The following SHC4 variants were observed in gnomAD, a reference collection of about 807,000 sequenced individuals.
SHC4 encodes SHC adaptor protein 4.
A neutral mutation model predicts 69.4 loss-of-function variants in SHC4; 41 were observed. The ratio of observed to expected loss-of-function variants is 0.59; its 90% CI spans 0.46 to 0.77. The LOEUF (loss-of-function observed/expected upper bound fraction) is 0.77, where lower values mean the gene tolerates loss of function less well. Among genes scored for constraint, SHC4 ranks in the 30% least tolerant of loss-of-function variants. The pLI, the probability that SHC4 is intolerant of heterozygous loss-of-function variation, is 0.00. For missense variants in SHC4, 777 were observed against 783.8 expected, an observed-to-expected ratio of 0.99 and a Z score of 0.10; for synonymous variants, 318 against 299.3, an observed-to-expected ratio of 1.06 and a Z score of -0.64.
intron 2 of SHC4, among the ~76,000 whole-genome samples, chr15:48,898,042 A>T (rs1346223595): frequency 6.6e-6 from 1 of 152,224 alleles, no homozygotes; most frequent in African/African-American, 2.4e-5. Flanking sequence ...CTTATTATGA[A>T]TGAAGAGACT....
intron 2 of SHC4, among the ~76,000 whole-genome samples, chr15:48,909,257 C>G (rs1900464568): frequency 6.8e-6 from 1 of 146,230 alleles, no homozygotes; most frequent in African/African-American, 2.5e-5. Context: ...TTGTAGAGGT[C>G]TTTTGACTCT....
intron 2 of SHC4, among the ~76,000 whole-genome samples, chr15:48,899,654 T>A (rs1567064801): frequency 1.3e-5 from 2 of 152,098 alleles, no homozygotes; most frequent in Non-Finnish European, 2.9e-5. Flanking sequence ...TTTTGGGAAT[T>A]CCATTTTTTT....
In SHC4 at chr15:48,962,742, T is replaced by C. The variant is rs780646559; in HGVS notation, c.274A>G (p.Ser92Gly). Residue 92 changes from serine to glycine, a missense_variant, in exon 1 of 12, where the codon AGC (serine) becomes GGC (glycine). Ser to Gly is a moderately conservative substitution (Grantham distance 56). Coordinates refer to ENST00000332408, the MANE Select transcript of SHC4 (RefSeq NM_203349.4). ...GTGGCCGGGTTGGCCAGCTTCATGC[T>C]TGCCATGCGGGGGATCAAGGTGCAC... is the stretch of plus-strand genomic sequence containing the variant. ...PLCTLIPRMA[S>G]MKLANPATLL... 2.0e-5 allele frequency: 32 copies of C among 1,613,516 alleles called. No homozygotes were observed. The highest frequency in any genetic ancestry group is 2.5e-5 in the Non-Finnish European group (29 of 1,180,024).
At chr15:48,907,696 AAT>A (rs1380592828) in intron 2 of SHC4, among the ~76,000 whole-genome samples, 2 of 152,044 alleles carry the variant, frequency 1.3e-5, no homozygotes, top group Non-Finnish European at 2.9e-5. Context: ...CACTTAGAAT[AAT>A]AGTCTCCAGT....
chr15:48,932,738 A>G (rs1023092593), intron 1 of SHC4, among the ~76,000 whole-genome samples: 1 of 152,060 alleles, frequency 6.6e-6, no homozygotes, highest in Non-Finnish European at 1.5e-5. Context: ...GCCCTCTTCT[A>G]TACTCTGTAT....
At chr15:48,924,997 A>G in intron 1 of SHC4, 48 bp from the exon 2 acceptor site, 1 of 1,602,978 alleles carries the variant, frequency 6.2e-7, no homozygotes, top group African/African-American at 1.3e-5. Flanking sequence ...AATTCCAAGA[A>G]GCTGTCTCTT....
chr15:48,856,135 A>G lies in SHC4; in HGVS notation c.1071-11T>C. Reference sequence around the variant, plus strand: ...ATATGCACCTCCTCACTGTGAAGGAAAAAAGAATCCTCAAGAGGCTGGGCG... The same window carrying G: ...ATATGCACCTCCTCACTGTGAAGGAGAAAAGAATCCTCAAGAGGCTGGGCG... On this transcript the variant is annotated splice_polypyrimidine_tract_variant and intron_variant, in intron 7 of 11. Coordinates refer to ENST00000332408, the MANE Select transcript of SHC4 (RefSeq NM_203349.4). The G allele has an allele frequency of 6.2e-7, 1 of 1,606,854 alleles. No individual in the cohort carries two copies. The highest frequency in any genetic ancestry group is 8.5e-7 in the Non-Finnish European group (1 of 1,176,346).
chr15:48,963,438 C>T lies in SHC4; in HGVS notation c.-423G>A. 5.4e-6 allele frequency: 1 copy of T among 184,678 alleles called. No homozygotes were observed. Among genetic ancestry groups the T allele is most frequent in the South Asian group, 1.5e-4 (1 of 6,792 alleles). The allele number at this position is 184,678 out of a possible 1,614,324, so 11.4% of individuals were successfully genotyped here. On this transcript the variant is annotated 5_prime_UTR_variant, in exon 1 of 12. Coordinates refer to ENST00000332408, the MANE Select transcript of SHC4 (RefSeq NM_203349.4). ...CGACTCCCACCCTCACCCCAGCCTT[C>T]TGTTCTGCACACAGGAACTTTCGAA...
At chr15:48,853,165 G>C (rs1899248334) in intron 8 of SHC4, among the ~76,000 whole-genome samples, 1 of 151,854 alleles carries the variant, frequency 6.6e-6, no homozygotes, top group Non-Finnish European at 1.5e-5. Flanking sequence ...CAAAAATCTA[G>C]CATTTCTATA....
intron 6 of SHC4, among the ~76,000 whole-genome samples, 163 bp from the exon 7 acceptor site, chr15:48,857,978 T>C (rs1373792152): frequency 6.6e-6 from 1 of 152,182 alleles, no homozygotes; most frequent in Non-Finnish European, 1.5e-5. Flanking sequence ...ACTTCACATT[T>C]CACATGAATC....
At chr15:48,846,221 C>T (rs981698401) in intron 9 of SHC4, among the ~76,000 whole-genome samples, 25 of 152,174 alleles carry the variant, frequency 1.6e-4, no homozygotes, top group Admixed American at 3.9e-4. Context: ...GTATCTCTTA[C>T]TATCTGAGCG....
intron 11 of SHC4, among the ~76,000 whole-genome samples, chr15:48,831,303 A>G (rs1352805281): frequency 1.3e-5 from 2 of 152,228 alleles, no homozygotes; most frequent in East Asian, 1.9e-4. Context: ...TAGTGTTTAT[A>G]AAGTGTGCAG....
At chr15:48,839,728 T>C (rs1037605365) in intron 10 of SHC4, among the ~76,000 whole-genome samples, 10 of 152,216 alleles carry the variant, frequency 6.6e-5, no homozygotes, top group African/African-American at 2.4e-4. Flanking sequence ...ACTTGGCAGA[T>C]AATAAGGATC....
At chr15:48,917,145 T>A (rs1227339305) in intron 2 of SHC4, among the ~76,000 whole-genome samples, 1 of 152,066 alleles carries the variant, frequency 6.6e-6, no homozygotes, top group Admixed American at 6.6e-5. Flanking sequence ...GAGGTAGCCA[T>A]CCTTAGAGGA....
At chr15:48,881,850 G>A (rs998983168) in intron 4 of SHC4, among the ~76,000 whole-genome samples, 11 of 151,982 alleles carry the variant, frequency 7.2e-5, no homozygotes, top group African/African-American at 1.7e-4. Context: ...TGCAAGCATC[G>A]CATGTTTAAT....
At chr15:48,940,754 G>A (rs913225626) in intron 1 of SHC4, among the ~76,000 whole-genome samples, 3 of 152,152 alleles carry the variant, frequency 2.0e-5, no homozygotes, top group Non-Finnish European at 4.4e-5. Context: ...CTATGTCACA[G>A]CACTGAAGTC....
chr15:48,943,994 A>C (rs1330331485), intron 1 of SHC4, among the ~76,000 whole-genome samples: 1 of 152,090 alleles, frequency 6.6e-6, no homozygotes, highest in Non-Finnish European at 1.5e-5. Context: ...GAAAAGGAAC[A>C]TAAGGTGTAG....
chr15:48,911,485 G>A (rs931360199), intron 2 of SHC4, among the ~76,000 whole-genome samples: 3 of 152,138 alleles, frequency 2.0e-5, no homozygotes, highest in African/African-American at 7.2e-5. Flanking sequence ...CCTAAAGGCA[G>A]CAGATATTTG....
chr15:48,840,630 GTATAAAGC>G (rs1898972961), intron 10 of SHC4, among the ~76,000 whole-genome samples: 1 of 152,154 alleles, frequency 6.6e-6, no homozygotes, highest in Non-Finnish European at 1.5e-5. Context: ...TAAAAAGTAT[GTATAAAGC>G]TATCCCCACT....
Sources: gnomAD v4.1 joint callset for allele counts (sites outside exome capture counted in the v4.1 genomes callset) on GRCh38, gnomAD v4.1.1 for gene constraint, MANE v1.5 for transcripts, NCBI Gene and HGNC (gene_info 2026-07-23, HGNC 2026-07-21) for gene names.